EYS: variants seen among roughly 807,000 people sequenced by gnomAD.
EYS encodes protein eyes shut homolog.
A neutral mutation model predicts 282.1 loss-of-function variants in EYS; 250 were observed. That is an observed-to-expected ratio of 0.89 (90% confidence interval 0.80 to 0.98). The LOEUF (loss-of-function observed/expected upper bound fraction) is 0.98, where lower values mean the gene tolerates loss of function less well. Among genes scored for constraint, EYS ranks in the 50% least tolerant of loss-of-function variants. The pLI is 0.00. For synonymous variants in EYS, 1,355 were observed against 1,282.9 expected, an observed-to-expected ratio of 1.06 and a Z score of -1.20; for missense variants, 4,016 against 3,709.0, an observed-to-expected ratio of 1.08 and a Z score of -2.15.
At chr6:64,201,664 T>C (rs537073198) in intron 31 of EYS, among the ~76,000 whole-genome samples, 21 of 152,280 alleles carry the variant, frequency 1.4e-4, no homozygotes, top group Non-Finnish European at 2.9e-4. Context: ...CTAAAAGATA[T>C]GCTTCATGGA....
rs533256384 is a variant in EYS at position 65,352,577 on chromosome 6, A to G, written c.1459+881T>C. Among the ~76,000 whole-genome samples, 15 of 152,066 alleles carry G rather than the reference A, an allele frequency of 9.9e-5. No individual in the cohort carries two copies. In the East Asian group the frequency reaches 1.2e-3, roughly 12 times the overall value. On this transcript the variant is annotated intron_variant, in intron 9 of 42. Coordinates refer to ENST00000503581, the MANE Select transcript of EYS (RefSeq NM_001142800.2). Reference sequence around the variant, plus strand: ...AATGATTTCATTTCAAGTGTGTAAGACAGAAAACTAGGAGTCCTGTTGACA... The same window carrying G: ...AATGATTTCATTTCAAGTGTGTAAGGCAGAAAACTAGGAGTCCTGTTGACA...
chr6:64,235,586 G>T (rs1204547617), intron 30 of EYS, among the ~76,000 whole-genome samples: 2 of 152,066 alleles, frequency 1.3e-5, no homozygotes, highest in Non-Finnish European at 2.9e-5. Context: ...ATGATTTATA[G>T]TCCTTTGGGT....
chr6:64,586,336 T>C (rs1387249341), intron 26 of EYS, among the ~76,000 whole-genome samples: 1 of 152,118 alleles, frequency 6.6e-6, no homozygotes, highest in African/African-American at 2.4e-5. Context: ...TTCTGTGGTA[T>C]TTTGTAATAT....
intron 19 of EYS, among the ~76,000 whole-genome samples, chr6:64,845,962 A>T (rs1252994677): frequency 6.6e-6 from 1 of 151,990 alleles, no homozygotes; most frequent in Non-Finnish European, 1.5e-5. Flanking sequence ...CCAGGCCTTC[A>T]TTTTTATTTA....
chr6:64,004,080 T>C lies in EYS; in HGVS notation c.6726-4897A>G, dbSNP rs574177046. 1.4e-4 allele frequency among the ~76,000 whole-genome samples: 22 copies of C among 152,352 alleles called. 1 individual carries two copies. The South Asian group carries it at 3.7e-3, about 26-fold the overall frequency. ...CTGAAATCTCTACTTGTAGAACTTATGTTAGACATTTTTTGGAAGCCTGTT... is the reference window on the plus strand; with the variant it reads ...CTGAAATCTCTACTTGTAGAACTTACGTTAGACATTTTTTGGAAGCCTGTT... On this transcript the variant is annotated intron_variant, in intron 33 of 42. Transcript: ENST00000503581.
At chr6:64,863,937 G>T (rs956295834) in intron 19 of EYS, among the ~76,000 whole-genome samples, 13 of 152,176 alleles carry the variant, frequency 8.5e-5, no homozygotes, top group Middle Eastern at 3.4e-3. Context: ...CCTGCAATCT[G>T]ATCTCTATTA....
intron 26 of EYS, among the ~76,000 whole-genome samples, chr6:64,555,250 T>C (rs889515309): frequency 8.6e-5 from 13 of 151,956 alleles, no homozygotes; most frequent in Middle Eastern, 3.4e-3. Flanking sequence ...GACACTATGT[T>C]AAGTGAAATT....
At chr6:64,446,865 A>G (rs1366296753) in intron 26 of EYS, among the ~76,000 whole-genome samples, 1 of 152,046 alleles carries the variant, frequency 6.6e-6, no homozygotes, top group African/African-American at 2.4e-5. Context: ...CACAGTATAT[A>G]TCATTAGATA....
intron 9 of EYS, among the ~76,000 whole-genome samples, chr6:65,346,844 T>C (rs540666450): frequency 6.6e-6 from 1 of 151,760 alleles, no homozygotes; most frequent in African/African-American, 2.4e-5. Flanking sequence ...AAACACAAAT[T>C]ATATATAAAG....
intron 11 of EYS, among the ~76,000 whole-genome samples, chr6:65,305,353 G>A (rs1197741416): frequency 6.6e-6 from 1 of 152,182 alleles, no homozygotes; most frequent in African/African-American, 2.4e-5. Context: ...TATTACCTGA[G>A]TTTGAAATGG....
chr6:64,892,163 T>G (rs1017657002), intron 18 of EYS, among the ~76,000 whole-genome samples: 1 of 151,978 alleles, frequency 6.6e-6, no homozygotes, highest in Non-Finnish European at 1.5e-5. Context: ...CACATGAATT[T>G]ATAGCCCCCA....
chr6:64,870,590 A>G (rs1449290159), intron 19 of EYS, among the ~76,000 whole-genome samples: 1 of 151,746 alleles, frequency 6.6e-6, no homozygotes, highest in Non-Finnish European at 1.5e-5. Context: ...AACATAACCA[A>G]CAGAACCTTC....
chr6:65,083,185 T>A (rs1039561780), intron 12 of EYS, among the ~76,000 whole-genome samples: 1 of 152,024 alleles, frequency 6.6e-6, no homozygotes, highest in Non-Finnish European at 1.5e-5. Context: ...TTTCTCAGTA[T>A]TAGACTCACG....
At chr6:65,165,658 G>T (rs945703247) in intron 12 of EYS, among the ~76,000 whole-genome samples, 1 of 150,940 alleles carries the variant, frequency 6.6e-6, no homozygotes, top group East Asian at 2.0e-4. Flanking sequence ...TATACTTAAT[G>T]GTGAAAGACT....
chr6:63,854,786 T>C (rs1772348696), intron 36 of EYS, among the ~76,000 whole-genome samples: 1 of 152,174 alleles, frequency 6.6e-6, no homozygotes, highest in Non-Finnish European at 1.5e-5. Flanking sequence ...ATGAAATCAA[T>C]AGAAGGAATA....
At chr6:65,306,241 C>T (rs531951607) in intron 11 of EYS, among the ~76,000 whole-genome samples, 19 of 152,242 alleles carry the variant, frequency 1.2e-4, no homozygotes, top group Admixed American at 4.6e-4. Flanking sequence ...CTGTTGTAAG[C>T]GGCTCATCAA....
intron 26 of EYS, among the ~76,000 whole-genome samples, chr6:64,544,528 G>A (rs1764789258): frequency 6.6e-6 from 1 of 152,104 alleles, no homozygotes; most frequent in South Asian, 2.1e-4. Flanking sequence ...ATGGAGACAT[G>A]GAGGACATGT....
intron 12 of EYS, among the ~76,000 whole-genome samples, chr6:65,156,614 G>A (rs79757950): frequency 0.011 from 1,636 of 151,096 alleles, 33 homozygotes; most frequent in African/African-American, 0.038. Flanking sequence ...CTCAATTTAA[G>A]GGAAATTTCC....
intron 12 of EYS, among the ~76,000 whole-genome samples, chr6:65,249,093 A>G (rs530352975): frequency 6.6e-6 from 1 of 151,618 alleles, no homozygotes; most frequent in Admixed American, 6.6e-5. Flanking sequence ...AACTCAAACC[A>G]ACATGAACAA....
Sources: gnomAD v4.1 joint callset for allele counts (sites outside exome capture counted in the v4.1 genomes callset) on GRCh38, gnomAD v4.1.1 for gene constraint, MANE v1.5 for transcripts, NCBI Gene and HGNC (gene_info 2026-07-23, HGNC 2026-07-21) for gene names.